COL9A3: variants seen among roughly 807,000 people sequenced by gnomAD.
The protein encoded by COL9A3 is collagen type IX alpha 3 chain, also known as collagen alpha-3(IX) chain.
Under a neutral mutation model 110.2 loss-of-function variants are expected in COL9A3, and 82 were observed. That is an observed-to-expected ratio of 0.74 (90% CI 0.62 to 0.89). The LOEUF (loss-of-function observed/expected upper bound fraction) is 0.89. Ranked by LOEUF, COL9A3 falls within the 40% of genes least tolerant of loss-of-function variation. The pLI, the probability that COL9A3 is intolerant of heterozygous loss-of-function variation, is 0.00. For missense variants in COL9A3, 1,066 were observed against 981.3 expected (o/e 1.09, Z -1.15); for synonymous variants, 494 against 403.8 (o/e 1.22, Z -2.68).
Position 62,819,984 on chromosome 20 carries a change from T to C in COL9A3, c.309+2T>C. 6.2e-7 allele frequency: 1 copy of C among 1,611,898 alleles called. No individual in the cohort carries two copies. Among genetic ancestry groups the C allele is most frequent in the Non-Finnish European group, 8.5e-7 (1 of 1,179,758 alleles). ...CCCAAGGGTGCCCCTGGGGAACGGG[T>C]AAGTGCCTGCGCCGAACCCAGTGGC... On this transcript the variant is annotated splice_donor_variant, in intron 5 of 31. Transcript: ENST00000649368. LOFTEE classifies it high-confidence loss of function.
At position 62,840,711 on chromosome 20, in the gene COL9A3, A is replaced by G; in HGVS notation, c.2034A>G (p.Lys678=). 6.3e-7 allele frequency: 1 copy of G among 1,583,234 alleles called. No homozygotes were observed. Residue 678 remains lysine (K), a synonymous_variant, in exon 32 of 32, where the codon AAA becomes AAG. Coordinates refer to ENST00000649368, the MANE Select transcript of COL9A3 (RefSeq NM_001853.4). The part of the protein sequence containing the change: ...QGAVLGGVGE[K]SGSRSS ...CCGTGTTAGGAGGGGTCGGGGAGAA[A>G]TCAGGCTCTCGAAGCTCATAAAATT...
chr20:62,832,898 T>C (rs1358754816), intron 25 of COL9A3, 122 bp from the exon 26 acceptor site: 1 of 957,030 alleles, frequency 1.0e-6, no homozygotes, highest in East Asian at 2.4e-5. Context: ...GGGCCTGGGC[T>C]TTTGGCCTCG....
intron 3 of COL9A3, 60 bp from the exon 4 acceptor site, chr20:62,819,162 G>A (rs988501579): frequency 6.5e-7 from 1 of 1,534,526 alleles, no homozygotes; most frequent in Non-Finnish European, 9.0e-7. Flanking sequence ...CTTCATTGCT[G>A]AAGGCCTGGG....
At chr20:62,821,946 G>T in intron 8 of COL9A3, 136 bp downstream of exon 8, 1 of 751,660 alleles carries the variant, frequency 1.3e-6, no homozygotes, top group Non-Finnish European at 2.4e-6. Context: ...GTTGGTAGAA[G>T]CCCTGGCCAA....
chr20:62,833,182 C>T lies in COL9A3; in HGVS notation c.1368+118C>T, dbSNP rs370403515. The T allele has an allele frequency of 1.3e-4, 111 of 852,632 alleles. 1 individual carries two copies. In the African/African-American group the frequency reaches 1.6e-3, roughly 12 times the overall value. 52.8% of individuals were successfully genotyped at this position (852,632 alleles called of 1,614,324 possible). A position where few individuals can be genotyped will look rare whatever the true frequency, so the allele number is the denominator to read the frequency against. ...GCAGCTCCCGGTGGAAGATCGGCAG[C>T]TCTGCTGGGCAGCGTGGGGATGGAG... On this transcript the variant is annotated intron_variant, in intron 26 of 31. Transcript: ENST00000649368.
intron 31 of COL9A3, among the ~76,000 whole-genome samples, chr20:62,839,262 C>T (rs923173404): frequency 1.3e-5 from 2 of 152,092 alleles, no homozygotes; most frequent in Non-Finnish European, 2.9e-5. Context: ...GTAAGCAGAT[C>T]CTCCTGGATC....
At chr20:62,838,840 G>A in intron 31 of COL9A3, 79 bp downstream of exon 31, 1 of 1,142,402 alleles carries the variant, frequency 8.8e-7, no homozygotes, top group Non-Finnish European at 1.3e-6. Context: ...GGCGTGCTTG[G>A]GTTATGAATG....
rs375102724 is a variant in COL9A3, at chr20:62,821,161, C to T, written c.310-20C>T. 21 of 1,612,266 alleles carry T rather than the reference C, an allele frequency of 1.3e-5. 1 individual carries two copies. The highest frequency in any genetic ancestry group is 6.7e-5 in the African/African-American group (5 of 74,894). Reference sequence around the variant, plus strand: ...AAATAGAGGCCCAGCCCAACCTAGACGCCTGCTTTCCTCCCACAGGGAAGT... The same window carrying T: ...AAATAGAGGCCCAGCCCAACCTAGATGCCTGCTTTCCTCCCACAGGGAAGT... On this transcript the variant is annotated intron_variant, in intron 5 of 31. Transcript: ENST00000649368.
chr20:62,821,075 C>G, intron 5 of COL9A3, 106 bp from the exon 6 acceptor site: 1 of 1,189,028 alleles, frequency 8.4e-7, no homozygotes, highest in Non-Finnish European at 1.2e-6. Flanking sequence ...GGACTTGGAC[C>G]CTGTTGTCCT....
intron 25 of COL9A3, among the ~76,000 whole-genome samples, chr20:62,832,554 C>T (rs975428447): frequency 6.6e-6 from 1 of 152,254 alleles, no homozygotes; most frequent in Non-Finnish European, 1.5e-5. Flanking sequence ...TTCCGGAGAA[C>T]TGACAGAGGG....
At position 62,840,805 on chromosome 20, in the gene COL9A3, G is replaced by A. The variant is rs550854359; in HGVS notation, c.*73G>A. The stretch of plus-strand genomic sequence containing the variant: ...ACGGTCATGAAGGAGCGGGGGTGTG[G>A]CAGGCGGGTGACGTCCAGGAGAGGG... On this transcript the variant is annotated 3_prime_UTR_variant, in exon 32 of 32. Transcript: ENST00000649368. 4.6e-6 allele frequency: 7 copies of A among 1,523,186 alleles called. No individual in the cohort carries two copies. Among genetic ancestry groups the A allele is most frequent in the South Asian group, 1.2e-5 (1 of 83,230 alleles). 94.4% of individuals were successfully genotyped at this position (1,523,186 alleles called of 1,614,324 possible).
chr20:62,816,735 C>T (rs1229715028), upstream of COL9A3, among the ~76,000 whole-genome samples: 1 of 152,174 alleles, frequency 6.6e-6, no homozygotes, highest in African/African-American at 2.4e-5. Context: ...CGCGCTTCCG[C>T]CCCCACACTC....
intron 15 of COL9A3, 56 bp from the exon 16 acceptor site, chr20:62,827,185 T>C: frequency 6.3e-7 from 1 of 1,596,500 alleles, no homozygotes; most frequent in East Asian, 2.2e-5. Context: ...CCCGTCCTAC[T>C]CTCCGACCAA....
In COL9A3 at chr20:62,837,136, A is replaced by C. The variant is rs749372066; in HGVS notation, c.1657A>C (p.Ile553Leu). ...HLRKPLAPGS[I>L]GRPGPAGPPG... ...AAGGAAGCCTTTGGCACCCGGGTCC[A>C]TTGGTCGGCCCGGTCCAGCTGGCCC... Residue 553 changes from isoleucine (I) to leucine (L), a missense_variant, in exon 30 of 32, where the codon ATT becomes CTT. Physicochemically the swap from Ile to Leu is conservative, Grantham distance 5. Transcript: ENST00000649368. 5.4e-5 allele frequency: 87 copies of C among 1,613,386 alleles called. No homozygotes were observed. The highest frequency in any genetic ancestry group is 7.3e-5 in the Non-Finnish European group (86 of 1,179,978).
chr20:62,819,278 ACTGCCGGGTGTGGATGTGAGTGCGC>A lies in COL9A3; in HGVS notation c.246_255+15del. Reference sequence around the variant, plus strand: ...AACCAGGAGAGGCTGGGCTGCCGGGACTGCCGGGTGTGGATGTGAGTGCGCCTGCCCCTCCCCGCCATGCCCCACT... The same window carrying A: ...AACCAGGAGAGGCTGGGCTGCCGGGACTGCCCCTCCCCGCCATGCCCCACT... On this transcript the variant is annotated splice_donor_variant and splice_donor_5th_base_variant and coding_sequence_variant and intron_variant, in exon 4 of 32. Transcript: ENST00000649368. LOFTEE classifies it high-confidence loss of function. The A allele has an allele frequency of 6.2e-7, 1 of 1,611,378 alleles. No individual in the cohort carries two copies.
rs947558086 is a variant in COL9A3 at position 62,836,345 on chromosome 20, T to C, written c.1548+12T>C. On this transcript the variant is annotated intron_variant, in intron 28 of 31. Transcript: ENST00000649368. ...AGCCGGGAGTTCCGGTACGTCGCTTTTCCGGCTTTTCCAGCTTTCACAGGG... is the reference window on the plus strand; with the variant it reads ...AGCCGGGAGTTCCGGTACGTCGCTTCTCCGGCTTTTCCAGCTTTCACAGGG... 10 of 1,613,736 alleles carry C rather than the reference T, an allele frequency of 6.2e-6. No individual in the cohort carries two copies. The highest frequency in any genetic ancestry group is 5.1e-6 in the Non-Finnish European group (6 of 1,180,028).
At chr20:62,818,392 C>T in intron 2 of COL9A3, 126 bp from the exon 3 acceptor site, 2 of 915,786 alleles carry the variant, frequency 2.2e-6, no homozygotes, top group South Asian at 1.3e-5. Context: ...GCTCAGGGGC[C>T]CCTTTTGTCT....
intron 31 of COL9A3, among the ~76,000 whole-genome samples, chr20:62,839,418 G>A (rs997310386): frequency 6.6e-6 from 1 of 152,192 alleles, no homozygotes; most frequent in Non-Finnish European, 1.5e-5. Flanking sequence ...GCTTTGTCAC[G>A]GAGGGAGGCA....
chr20:62,837,031 ACTT>A, intron 29 of COL9A3, 49 bp from the exon 30 acceptor site: 1 of 1,599,360 alleles, frequency 6.3e-7, no homozygotes, highest in Non-Finnish European at 8.5e-7. Flanking sequence ...ACGTAACAAT[ACTT>A]CTGATGATCC....
Sources: gnomAD v4.1 joint callset for allele counts (sites outside exome capture counted in the v4.1 genomes callset) on GRCh38, gnomAD v4.1.1 for gene constraint, MANE v1.5 for transcripts, NCBI Gene and HGNC (gene_info 2026-07-23, HGNC 2026-07-21) for gene names.